Variants in POR observed in about 807,000 individuals in gnomAD.
POR encodes the protein NADPH--cytochrome P450 reductase.
A neutral mutation model predicts 84.0 loss-of-function variants in POR; 56 were observed. That is an observed-to-expected ratio of 0.67 (90% CI 0.54 to 0.83). The LOEUF is 0.83. Ranked by LOEUF, POR falls within the 40% of genes least tolerant of loss-of-function variation. The probability of loss-of-function intolerance (pLI) is 0.00; values close to 1 mark genes in which losing one functional copy is unlikely to be tolerated. For synonymous variants in POR, 414 were observed against 400.5 expected, an observed-to-expected ratio of 1.03 and a Z score of -0.40; for missense variants, 938 against 944.3, an observed-to-expected ratio of 0.99 and a Z score of 0.09.
intron 1 of POR, among the ~76,000 whole-genome samples, chr7:75,928,461 T>G (rs573577368): frequency 6.6e-6 from 1 of 152,366 alleles, no homozygotes; most frequent in Admixed American, 6.5e-5. Context: ...GGTAATGGCC[T>G]GTGAGAGGAA....
At chr7:75,934,478 A>G (rs1807574112) in intron 1 of POR, among the ~76,000 whole-genome samples, 1 of 152,194 alleles carries the variant, frequency 6.6e-6, no homozygotes, top group Non-Finnish European at 1.5e-5. Context: ...CAGAAAGAAA[A>G]AACTTTTTCA....
Position 75,939,517 on chromosome 7 carries a change from C to T in POR, c.-4-14472C>T, listed in dbSNP as rs530349436. On this transcript the variant is annotated intron_variant, in intron 1 of 15. Coordinates refer to ENST00000461988, the MANE Select transcript of POR (RefSeq NM_000941.3). ...ACAAAGTCTGTGAATAAGAAGGCCCCACAGGCCCTACTCAACAGCTTTTTT... is the reference window on the plus strand; with the variant it reads ...ACAAAGTCTGTGAATAAGAAGGCCCTACAGGCCCTACTCAACAGCTTTTTT... Among the ~76,000 whole-genome samples the T allele has an allele frequency of 1.2e-4, 18 of 150,662 alleles. No individual in the cohort carries two copies. In the South Asian group the frequency reaches 3.8e-3, roughly 32 times the overall value.
intron 3 of POR, among the ~76,000 whole-genome samples, chr7:75,977,334 C>T (rs752060309): frequency 1.3e-5 from 2 of 152,136 alleles, no homozygotes; most frequent in Non-Finnish European, 2.9e-5. Flanking sequence ...CTGCTCTGTT[C>T]GAATGCAGCC....
chr7:75,961,615 CG>C (rs1352061896), intron 2 of POR, among the ~76,000 whole-genome samples: 1 of 152,226 alleles, frequency 6.6e-6, no homozygotes, highest in Non-Finnish European at 1.5e-5. Flanking sequence ...CACTCCTCGC[CG>C]GTCTTATTTC....
intron 8 of POR, 95 bp downstream of exon 8, chr7:75,982,417 C>A (rs1789111991): frequency 1.9e-6 from 2 of 1,037,778 alleles, no homozygotes; most frequent in African/African-American, 1.6e-5. Flanking sequence ...CCCCACAGGG[C>A]CCTTCTCACC....
intron 1 of POR, among the ~76,000 whole-genome samples, chr7:75,937,124 G>A (rs1807733508): frequency 6.6e-6 from 1 of 151,570 alleles, no homozygotes; most frequent in South Asian, 2.1e-4. Context: ...ACCGCATCCG[G>A]CCGCTGTTTC....
In POR at chr7:75,986,218, C is replaced by T. The variant is rs570123435; in HGVS notation, c.1875C>T (p.Gly625=). 20 of 1,612,498 alleles carry T rather than the reference C, an allele frequency of 1.2e-5. No individual in the cohort carries two copies. The highest frequency in any genetic ancestry group is 3.3e-5 in the South Asian group (3 of 91,062). ...AGCACCTGTGGAAGTTGATCGAAGGCGGTGCCCACATCTACGTCTGTGGGT... is the reference window on the plus strand; with the variant it reads ...AGCACCTGTGGAAGTTGATCGAAGGTGGTGCCCACATCTACGTCTGTGGGT... Residue 625 remains glycine (G), a synonymous_variant, in exon 15 of 16, where the codon GGC becomes GGT. Coordinates refer to ENST00000461988, the MANE Select transcript of POR (RefSeq NM_000941.3).
At chr7:75,974,524 C>CTTTTTTTTTTTT (rs1238804117) in intron 3 of POR, among the ~76,000 whole-genome samples, 365 of 107,738 alleles carry the variant, frequency 3.4e-3, no homozygotes, top group Non-Finnish European at 4.6e-3. Flanking sequence ...TTTTTCTTTT[C>CTTTTTTTTTTTT]TTTTTTTTTT....
chr7:75,938,288 C>G (rs573487061), intron 1 of POR, among the ~76,000 whole-genome samples: 2 of 152,242 alleles, frequency 1.3e-5, no homozygotes, highest in Admixed American at 1.3e-4. Flanking sequence ...TGGTGAAAGC[C>G]CCGTGACTGC....
In POR at chr7:75,985,125, C is replaced by T. The variant is rs1789345072; in HGVS notation, c.1316C>T (p.Ser439Phe). ...CTGGCCATCCTGCAGGACTGCCCGTCCCTGCGGCCCCCCATCGACCACCTG... is the reference window on the plus strand; with the variant it reads ...CTGGCCATCCTGCAGGACTGCCCGTTCCTGCGGCCCCCCATCGACCACCTG... The change falls in exon 12 of 16, where the codon TCC becomes TTC. Residue 439 changes from serine (S) to phenylalanine (F), a missense_variant. Transcript: ENST00000461988. 3.1e-6 allele frequency: 5 copies of T among 1,600,122 alleles called. No homozygotes were observed. Among genetic ancestry groups the T allele is most frequent in the Non-Finnish European group, 4.2e-6 (5 of 1,179,578 alleles).
In POR at chr7:75,923,975, A is replaced by T. The variant is rs773828121; in HGVS notation, c.-5+8796A>T. Reference sequence around the variant, plus strand: ...CAGTCCAGTTCCAAGGAAAAATTCCAGCGTTTTCTACGTTGGCTGCTGCCT... The same window carrying T: ...CAGTCCAGTTCCAAGGAAAAATTCCTGCGTTTTCTACGTTGGCTGCTGCCT... On this transcript the variant is annotated intron_variant, in intron 1 of 15. Coordinates refer to ENST00000461988, the MANE Select transcript of POR (RefSeq NM_000941.3). Among the ~76,000 whole-genome samples the T allele has an allele frequency of 2.1e-4, 32 of 152,150 alleles. 1 individual carries two copies. Among genetic ancestry groups the T allele is most frequent in the Admixed American group, 8.5e-4 (13 of 15,274 alleles).
intron 2 of POR, among the ~76,000 whole-genome samples, chr7:75,969,921 C>T (rs1788354356): frequency 6.6e-6 from 1 of 152,202 alleles, no homozygotes; most frequent in Non-Finnish European, 1.5e-5. Flanking sequence ...CTTGGCCGAC[C>T]AGTGTGTGTG....
intron 2 of POR, among the ~76,000 whole-genome samples, chr7:75,970,017 G>A (rs911583837): frequency 1.3e-5 from 2 of 152,192 alleles, no homozygotes; most frequent in Non-Finnish European, 2.9e-5. Context: ...TGTGGTAAAG[G>A]ATGAGTAGAA....
chr7:75,949,828 G>C (rs1459472172), intron 1 of POR, among the ~76,000 whole-genome samples: 3 of 149,104 alleles, frequency 2.0e-5, no homozygotes. Context: ...CCCATCTCAG[G>C]GTTTTGATCA....
At chr7:75,973,135 T>C (rs1017931384) in intron 3 of POR, among the ~76,000 whole-genome samples, 1 of 152,028 alleles carries the variant, frequency 6.6e-6, no homozygotes, top group East Asian at 1.9e-4. Context: ...TTTAACTATT[T>C]AATTGTAGGC....
intron 2 of POR, among the ~76,000 whole-genome samples, chr7:75,957,164 G>A (rs1787725310): frequency 6.6e-6 from 1 of 152,166 alleles, no homozygotes. Flanking sequence ...GATGTGCCCA[G>A]GGCACAGGCT....
chr7:75,953,212 G>T (rs1221871632), intron 1 of POR, among the ~76,000 whole-genome samples: 1 of 151,540 alleles, frequency 6.6e-6, no homozygotes, highest in Non-Finnish European at 1.5e-5. Flanking sequence ...GCAGGCACTC[G>T]GCAGGCTGAG....
At chr7:75,979,742 G>A in intron 4 of POR, 163 bp downstream of exon 4, 1 of 981,358 alleles carries the variant, frequency 1.0e-6, no homozygotes. Context: ...TCCCTGCCCG[G>A]GCTGACTGAC....
rs1263112702 is a variant in POR, at chr7:75,953,013, C to T, written c.-4-976C>T. ...AGCGAGCCGAGATCAAGCCACTGCA[C>T]TCCAGCCTGGGCACCATTGAGCACT... On this transcript the variant is annotated intron_variant, in intron 1 of 15. Transcript: ENST00000461988. Among the ~76,000 whole-genome samples, 8 of 152,084 alleles carry T rather than the reference C, an allele frequency of 5.3e-5. No homozygotes were observed. In the East Asian group the frequency reaches 1.5e-3, roughly 29 times the overall value.
Sources: allele counts gnomAD v4.1 joint callset (sites outside exome capture counted in the v4.1 genomes callset), GRCh38; gene constraint gnomAD v4.1.1; transcripts MANE v1.5; gene names NCBI Gene and HGNC (gene_info 2026-07-23, HGNC 2026-07-21).